LARGE1: variants seen among roughly 807,000 people sequenced by gnomAD.
LARGE1 encodes the protein xylosyl- and glucuronyltransferase LARGE1.
Under a neutral mutation model 87.6 loss-of-function variants are expected in LARGE1, and 43 were observed. The ratio of observed to expected loss-of-function variants is 0.49; its 90% CI spans 0.38 to 0.63. The LOEUF (loss-of-function observed/expected upper bound fraction) is 0.63, where lower values mean the gene tolerates loss of function less well. Among genes scored for constraint, LARGE1 ranks in the 30% least tolerant of loss-of-function variants. The pLI is 0.00. For synonymous variants in LARGE1, 434 were observed against 394.6 expected (o/e 1.10, Z -1.18); for missense variants, 802 against 1,000.2 (o/e 0.80, Z 2.67).
intron 2 of LARGE1, among the ~76,000 whole-genome samples, chr22:33,746,191 G>C (rs1378097038): frequency 3.3e-5 from 5 of 152,158 alleles, no homozygotes; most frequent in Non-Finnish European, 7.3e-5. Context: ...GCAGTGAGCA[G>C]AGATCACACC....
chr22:33,651,217 T>TAA (rs1242556127), intron 2 of LARGE1, among the ~76,000 whole-genome samples: 4 of 21,920 alleles, frequency 1.8e-4, no homozygotes, highest in African/African-American at 1.3e-3. Context: ...CGGTCTCTAC[T>TAA]AAAAATACAA....
chr22:33,476,946 C>T (rs183043072), intron 6 of LARGE1, among the ~76,000 whole-genome samples: 15 of 152,262 alleles, frequency 9.9e-5, no homozygotes, highest in Middle Eastern at 3.4e-3. Flanking sequence ...TTCTTCGGCT[C>T]GGTGACAATT....
At chr22:33,141,190 T>TCACACA in the LARGE1 span, among the ~76,000 whole-genome samples, 34 of 147,438 alleles carry the variant, frequency 2.3e-4, no homozygotes, top group South Asian at 1.1e-3. Flanking sequence ...TCTCTCTCTC[T>TCACACA]CTCTCACACA....
the LARGE1 span, among the ~76,000 whole-genome samples, chr22:33,102,552 C>T: frequency 1.3e-4 from 19 of 151,648 alleles, no homozygotes; most frequent in South Asian, 4.2e-4. Flanking sequence ...TGCAGTGGCA[C>T]GATCTCAGCT....
intron 7 of LARGE1, among the ~76,000 whole-genome samples, chr22:33,417,359 C>T (rs144650482): frequency 3.7e-4 from 56 of 152,288 alleles, no homozygotes; most frequent in Non-Finnish European, 7.1e-4. Context: ...TTCTAATCAC[C>T]AGTGTGTTCC....
intron 11 of LARGE1, among the ~76,000 whole-genome samples, chr22:33,244,680 C>T (rs1393398682): frequency 6.6e-6 from 1 of 152,208 alleles, no homozygotes; most frequent in Non-Finnish European, 1.5e-5. Context: ...CTGTCATCAT[C>T]TTGACCTGCT....
At chr22:33,397,778 C>T (rs1269535783) in intron 7 of LARGE1, among the ~76,000 whole-genome samples, 2 of 152,190 alleles carry the variant, frequency 1.3e-5, no homozygotes, top group African/African-American at 4.8e-5. Context: ...ATTCCAATTG[C>T]TCCGCAGTCC....
chr22:33,772,795 T>C (rs1200281009), intron 1 of LARGE1, among the ~76,000 whole-genome samples: 3 of 152,098 alleles, frequency 2.0e-5, no homozygotes. Context: ...CATGACTACT[T>C]TATATTCAAG....
intron 6 of LARGE1, among the ~76,000 whole-genome samples, chr22:33,483,397 C>T (rs1269003641): frequency 2.0e-5 from 3 of 152,152 alleles, no homozygotes; most frequent in African/African-American, 7.2e-5. Flanking sequence ...AGCTTGGAAA[C>T]ACACTGATAT....
At chr22:33,907,938 C>A (rs1259973078) in intron 1 of LARGE1, among the ~76,000 whole-genome samples, 1 of 152,168 alleles carries the variant, frequency 6.6e-6, no homozygotes, top group Non-Finnish European at 1.5e-5. Context: ...GACTAAGATG[C>A]ATTCTACCTC....
chr22:33,842,549 T>C (rs1325681819), intron 1 of LARGE1, among the ~76,000 whole-genome samples: 3 of 152,174 alleles, frequency 2.0e-5, no homozygotes, highest in East Asian at 1.9e-4. Flanking sequence ...GAGCAGCCAG[T>C]ACAGGCTCTT....
intron 5 of LARGE1, among the ~76,000 whole-genome samples, chr22:33,566,480 G>A (rs764049936): frequency 2.7e-5 from 4 of 148,360 alleles, no homozygotes; most frequent in Non-Finnish European, 5.9e-5. Context: ...GGCTCCTTCC[G>A]GGGGGTTCTT....
chr22:33,450,884 G>T (rs976012808), intron 6 of LARGE1, among the ~76,000 whole-genome samples: 2 of 152,104 alleles, frequency 1.3e-5, no homozygotes, highest in Admixed American at 6.6e-5. Context: ...GTGTCTGGAC[G>T]GATCCTGGCT....
chr22:33,319,770 T>C (rs1251970924), intron 10 of LARGE1, among the ~76,000 whole-genome samples: 1 of 151,086 alleles, frequency 6.6e-6, no homozygotes, highest in African/African-American at 2.5e-5. Flanking sequence ...CTATTGGTAT[T>C]TTGTGGGGGG....
At chr22:33,096,918 T>C in the LARGE1 span, among the ~76,000 whole-genome samples, 2 of 152,234 alleles carry the variant, frequency 1.3e-5, no homozygotes, top group Admixed American at 1.3e-4. Flanking sequence ...ACTGGATATG[T>C]TCAAATCTGA....
exon 12 of LARGE1, chr22:33,164,809 C>T (rs77347615): frequency 0.022 from 3,384 of 152,042 alleles, 54 homozygotes; most frequent in Admixed American, 0.054. Context: ...TGAGCCACTG[C>T]GCTCGGCCAA....
chr22:33,389,520 A>C (rs1173054056), intron 7 of LARGE1, among the ~76,000 whole-genome samples: 1 of 152,218 alleles, frequency 6.6e-6, no homozygotes, highest in Non-Finnish European at 1.5e-5. Flanking sequence ...GATGTAGAGC[A>C]AGAGAGTGAC....
intron 5 of LARGE1, among the ~76,000 whole-genome samples, chr22:33,600,502 C>G (rs2079085268): frequency 6.6e-6 from 1 of 152,076 alleles, no homozygotes; most frequent in Admixed American, 6.5e-5. Flanking sequence ...ACAAAGCAAC[C>G]CCTATGAAAT....
At chr22:33,672,525 T>C (rs1603083130) in intron 2 of LARGE1, among the ~76,000 whole-genome samples, 1 of 152,202 alleles carries the variant, frequency 6.6e-6, no homozygotes, top group Non-Finnish European at 1.5e-5. Context: ...CTGTAGACAG[T>C]ATGTGCCATG....
Sources: gnomAD v4.1 joint callset for allele counts (sites outside exome capture counted in the v4.1 genomes callset) on GRCh38, gnomAD v4.1.1 for gene constraint, MANE v1.5 for transcripts, NCBI Gene and HGNC (gene_info 2026-07-23, HGNC 2026-07-21) for gene names.